MERTK: variants seen among roughly 807,000 people sequenced by gnomAD.
MERTK encodes MER proto-oncogene, tyrosine kinase.
A neutral mutation model predicts 99.3 loss-of-function variants in MERTK; 69 were observed. The ratio of observed to expected loss-of-function variants is 0.70; its 90% CI spans 0.57 to 0.85. The LOEUF is 0.85. MERTK is among the 40% of genes least tolerant of loss of function. MERTK has a pLI of 0.00. For synonymous variants in MERTK, 426 were observed against 467.6 expected (o/e 0.91, Z 1.15); for missense variants, 1,125 against 1,249.4 (o/e 0.90, Z 1.50).
At chr2:112,010,431 A>G (rs577679739) in intron 15 of MERTK, among the ~76,000 whole-genome samples, 1 of 152,260 alleles carries the variant, frequency 6.6e-6, no homozygotes, top group African/African-American at 2.4e-5. Context: ...CCTAAAAGAA[A>G]TTTTACAGAG....
At chr2:111,953,298 C>T (rs762863348) in intron 4 of MERTK, among the ~76,000 whole-genome samples, 3 of 152,168 alleles carry the variant, frequency 2.0e-5, no homozygotes, top group Non-Finnish European at 4.4e-5. Context: ...ACTGCTGAGT[C>T]GAAATTCTAG....
At position 111,948,724 on chromosome 2, in the gene MERTK, G is replaced by A. The variant is rs13007582; in HGVS notation, c.757+1157G>A. Among the ~76,000 whole-genome samples, 1,429 of 152,184 alleles carry A rather than the reference G, an allele frequency of 9.4e-3. 7 individuals are homozygous for A. The highest frequency in any genetic ancestry group is 0.016 in the Non-Finnish European group (1,114 of 68,012). ...CACCCTGCTGCCAGCACCCTGGTCC[G>A]TGTCACTGCCAGCTCTTGCTGTCGC... On this transcript the variant is annotated intron_variant, in intron 4 of 18. Coordinates refer to ENST00000295408, the MANE Select transcript of MERTK (RefSeq NM_006343.3).
chr2:111,957,731 G>A (rs1176689128), intron 4 of MERTK, among the ~76,000 whole-genome samples: 1 of 152,154 alleles, frequency 6.6e-6, no homozygotes, highest in Non-Finnish European at 1.5e-5. Flanking sequence ...TCAAGTCGAT[G>A]AAAGCAGAGC....
At chr2:112,008,708 T>C (rs1573637526) in intron 14 of MERTK, 1 of 598,436 alleles carries the variant, frequency 1.7e-6, no homozygotes, top group Non-Finnish European at 3.0e-6. Context: ...ATTTGAGTTT[T>C]CCACAGAATT....
chr2:112,005,569 A>C (rs1387833075), intron 13 of MERTK, among the ~76,000 whole-genome samples: 1 of 152,110 alleles, frequency 6.6e-6, no homozygotes, highest in Non-Finnish European at 1.5e-5. Flanking sequence ...ACAGCTGTAT[A>C]AGTTTGATTC....
chr2:111,991,465 A>G (rs886535830), intron 8 of MERTK, among the ~76,000 whole-genome samples: 32 of 152,130 alleles, frequency 2.1e-4, no homozygotes, highest in African/African-American at 7.7e-4. Context: ...ACCTCAGGTT[A>G]TCTGCCCACC....
At chr2:112,027,727 A>T (rs1677497174) in intron 18 of MERTK, among the ~76,000 whole-genome samples, 1 of 152,156 alleles carries the variant, frequency 6.6e-6, no homozygotes, top group Non-Finnish European at 1.5e-5. Flanking sequence ...GCTGTTGAGA[A>T]GACTAGATGG....
intron 1 of MERTK, 133 bp from the exon 2 acceptor site, chr2:111,928,987 T>C: frequency 1.2e-6 from 1 of 856,020 alleles, no homozygotes; most frequent in Non-Finnish European, 1.9e-6. Flanking sequence ...TGTGTGTTAA[T>C]GAATTCTGCT....
intron 2 of MERTK, among the ~76,000 whole-genome samples, chr2:111,939,811 G>A (rs1481169552): frequency 6.6e-6 from 1 of 151,658 alleles, no homozygotes; most frequent in Non-Finnish European, 1.5e-5. Context: ...GCCCCATAGC[G>A]ATTCTTGAGT....
intron 18 of MERTK, 119 bp downstream of exon 18, chr2:112,022,513 T>C (rs556896239): frequency 2.0e-6 from 3 of 1,476,880 alleles, no homozygotes; most frequent in African/African-American, 2.8e-5. Context: ...CAGGTGGGCA[T>C]GTGCAGAGGG....
At chr2:111,919,100 C>G (rs190268786) in intron 1 of MERTK, among the ~76,000 whole-genome samples, 22 of 152,302 alleles carry the variant, frequency 1.4e-4, no homozygotes, top group African/African-American at 5.3e-4. Flanking sequence ...TGAGCTGGGG[C>G]TATGCCTTGT....
intron 1 of MERTK, among the ~76,000 whole-genome samples, chr2:111,920,192 T>C (rs1032468714): frequency 6.6e-6 from 1 of 152,260 alleles, no homozygotes; most frequent in Non-Finnish European, 1.5e-5. Context: ...GGCAACCCAA[T>C]GCCAACACCG....
Position 112,022,375 on chromosome 2 carries a change from G to C in MERTK, c.2467G>C (p.Glu823Gln), listed in dbSNP as rs55924349. Residue 823 changes from glutamate (E) to glutamine (Q), a missense_variant, in exon 18 of 19, where the codon GAA becomes CAA. By Grantham distance (29) the Glu-to-Gln change is conservative. Transcript: ENST00000295408. ...LLHGHRLKQP[E>Q]DCLDELYEIM... ...CCATGGCCACAGGTTGAAGCAGCCC[G>C]AAGACTGCCTGGATGAACTGTGAGT... 1.7e-3 allele frequency: 2,739 copies of C among 1,614,226 alleles called. 7 individuals carry two copies. The highest frequency in any genetic ancestry group is 2.1e-3 in the Non-Finnish European group (2,510 of 1,180,044).
At chr2:112,006,468 C>T (rs1056725661) in intron 13 of MERTK, among the ~76,000 whole-genome samples, 1 of 152,100 alleles carries the variant, frequency 6.6e-6, no homozygotes, top group Non-Finnish European at 1.5e-5. Flanking sequence ...ACTGTTCCTG[C>T]CTCTTGTATG....
chr2:111,917,087 C>T (rs1328785664), intron 1 of MERTK, among the ~76,000 whole-genome samples: 1 of 152,186 alleles, frequency 6.6e-6, no homozygotes, highest in East Asian at 1.9e-4. Context: ...GGAAGGATGG[C>T]CTCCTTTCTG....
At position 111,898,777 on chromosome 2, in the gene MERTK, C is replaced by G; in HGVS notation, c.42C>G (p.Leu14=). ...TGCCGCTGCTGCTGGGCCTCTTCCTCCCCGCGCTCTGGCGTAGAGGTGAGT... is the reference window on the plus strand; with the variant it reads ...TGCCGCTGCTGCTGGGCCTCTTCCTGCCCGCGCTCTGGCGTAGAGGTGAGT... ...APLPLLLGLF[L]PALWRRAITE... is the part of the protein sequence containing the mutation. Residue 14 remains leucine (L), a synonymous_variant, in exon 1 of 19, where the codon CTC becomes CTG. Coordinates refer to ENST00000295408, the MANE Select transcript of MERTK (RefSeq NM_006343.3). The G allele has an allele frequency of 6.2e-7, 1 of 1,600,186 alleles. No individual in the cohort carries two copies. The highest frequency in any genetic ancestry group is 8.5e-7 in the Non-Finnish European group (1 of 1,174,172).
chr2:112,013,539 C>T (rs1677152504), intron 15 of MERTK: 1 of 154,376 alleles, frequency 6.5e-6, no homozygotes, highest in Non-Finnish European at 1.5e-5. Flanking sequence ...AAGCATGTAG[C>T]ATAGGCCAGC....
At chr2:112,025,966 A>G (rs1241725336) in intron 18 of MERTK, among the ~76,000 whole-genome samples, 8 of 152,328 alleles carry the variant, frequency 5.3e-5, no homozygotes, top group South Asian at 2.1e-4. Context: ...TCTCTCCTCA[A>G]TACAGCCCAT....
Position 112,029,271 on chromosome 2 carries a change from T to G in MERTK, c.*407T>G. 1.0e-6 allele frequency: 1 copy of G among 976,178 alleles called. No individual in the cohort carries two copies. The highest frequency in any genetic ancestry group is 1.2e-6 in the Non-Finnish European group (1 of 816,376). 60.5% of individuals were successfully genotyped at this position (976,178 alleles called of 1,614,324 possible). On this transcript the variant is annotated 3_prime_UTR_variant, in exon 19 of 19. Coordinates refer to ENST00000295408, the MANE Select transcript of MERTK (RefSeq NM_006343.3). ...ATGCCATATTTGACTTGGCTTCTGG[T>G]CTTGATGTATTTGATAAGAATGATT...
Sources: allele counts gnomAD v4.1 joint callset (sites outside exome capture counted in the v4.1 genomes callset), GRCh38; gene constraint gnomAD v4.1.1; transcripts MANE v1.5; gene names NCBI Gene and HGNC (gene_info 2026-07-23, HGNC 2026-07-21).